PIK3C2B: variants seen among roughly 807,000 people sequenced by gnomAD.
PIK3C2B encodes the protein phosphatidylinositol 4-phosphate 3-kinase C2 domain-containing subunit beta.
A neutral mutation model predicts 184.3 loss-of-function variants in PIK3C2B; 83 were observed. The observed-to-expected ratio is 0.45, with a 90% CI of 0.38 to 0.54. The LOEUF (loss-of-function observed/expected upper bound fraction) is 0.54. PIK3C2B is among the 20% of genes least tolerant of loss of function. The pLI, the probability that PIK3C2B is intolerant of heterozygous loss-of-function variation, is 0.00. For synonymous variants in PIK3C2B, 779 were observed against 837.6 expected, an observed-to-expected ratio of 0.93 and a Z score of 1.21; for missense variants, 1,736 against 2,113.5, an observed-to-expected ratio of 0.82 and a Z score of 3.50.
In PIK3C2B at chr1:204,429,993, C is replaced by A; in HGVS notation, c.4326G>T (p.Val1442=). ...FVIGRSRGEA[V]AERRREELNG... ...TTAGCTCCTCCCTCCGCCGCTCGGC[C>A]ACCGCCTCTCCCCGGGAGCGGCCGA... The change falls in exon 29 of 33, where the codon GTG becomes GTT. Residue 1442 remains valine (V), a synonymous_variant. Coordinates refer to ENST00000684373, the MANE Select transcript of PIK3C2B (RefSeq NM_001377334.1). 1.2e-6 allele frequency: 2 copies of A among 1,611,796 alleles called. No homozygotes were observed. Among genetic ancestry groups the A allele is most frequent in the South Asian group, 2.2e-5 (2 of 91,076 alleles).
chr1:204,482,361 C>CT (rs1291257332), intron 1 of PIK3C2B, among the ~76,000 whole-genome samples: 23 of 152,216 alleles, frequency 1.5e-4, no homozygotes, highest in Admixed American at 8.5e-4. Flanking sequence ...TGGGAGCCTC[C>CT]ATTCTTCCTG....
At position 204,460,364 on chromosome 1, in the gene PIK3C2B, C is replaced by A; in HGVS notation, c.1462G>T (p.Val488Phe). 1 of 1,613,988 alleles carries A rather than the reference C, an allele frequency of 6.2e-7. No homozygotes were observed. Among genetic ancestry groups the A allele is most frequent in the East Asian group, 2.2e-5 (1 of 44,878 alleles). Residue 488 changes from valine to phenylalanine, a missense_variant, in exon 7 of 33, where the codon GTC (valine) becomes TTC (phenylalanine). Around this residue, in one of 8 missense-constraint regions of PIK3C2B, gnomAD observed 609 missense variants for 699.2 expected, o/e 0.87. Coordinates refer to ENST00000684373, the MANE Select transcript of PIK3C2B (RefSeq NM_001377334.1). ...TTGACAGGCCTCTCTTGGAGATGGACGAGGTAGTTCAAGGTGGAGGGGCTC... is the reference window on the plus strand; with the variant it reads ...TTGACAGGCCTCTCTTGGAGATGGAAGAGGTAGTTCAAGGTGGAGGGGCTC... ...DQSPSTLNYLVHLQERPVKQT... is the reference protein window; with the variant it reads ...DQSPSTLNYLFHLQERPVKQT...
rs1446065959 is a variant in PIK3C2B at position 204,439,088 on chromosome 1, G to C, written c.3380-17C>G. 1 of 1,611,968 alleles carries C rather than the reference G, an allele frequency of 6.2e-7. No individual in the cohort carries two copies. Among genetic ancestry groups the C allele is most frequent in the Non-Finnish European group, 8.5e-7 (1 of 1,179,090 alleles). ...CCACCATCCCTGTGAGGGGAGAAATGGGGGTCACGTTCCAGACCAGAATGA... is the reference window on the plus strand; with the variant it reads ...CCACCATCCCTGTGAGGGGAGAAATCGGGGTCACGTTCCAGACCAGAATGA... On this transcript the variant is annotated splice_polypyrimidine_tract_variant and intron_variant, in intron 22 of 32. Transcript: ENST00000684373.
chr1:204,483,548 T>C (rs1470760482), intron 1 of PIK3C2B, among the ~76,000 whole-genome samples: 1 of 152,216 alleles, frequency 6.6e-6, no homozygotes, highest in Non-Finnish European at 1.5e-5. Context: ...ACGCTTTTGC[T>C]TTGGATATTA....
chr1:204,451,737 C>T (rs1196864290), intron 12 of PIK3C2B, among the ~76,000 whole-genome samples: 2 of 152,226 alleles, frequency 1.3e-5, no homozygotes, highest in Non-Finnish European at 2.9e-5. Flanking sequence ...GCTGTGGTTA[C>T]TGCACTGGCA....
chr1:204,460,033 C>T, intron 7 of PIK3C2B, 92 bp from the exon 8 acceptor site: 1 of 982,470 alleles, frequency 1.0e-6, no homozygotes, highest in Non-Finnish European at 1.6e-6. Flanking sequence ...CTCCTCAGCT[C>T]ACACTCTGAT....
Position 204,466,657 on chromosome 1 carries a change from T to C in PIK3C2B, c.934-1338A>G, listed in dbSNP as rs938882656. 17 of 371,274 alleles carry C rather than the reference T, an allele frequency of 4.6e-5. No individual in the cohort carries two copies. The East Asian group carries it at 1.2e-3, about 27-fold the overall frequency. 23.0% of individuals were successfully genotyped at this position (371,274 alleles called of 1,614,324 possible). On this transcript the variant is annotated intron_variant, in intron 2 of 32. Transcript: ENST00000684373. ...GAAAAAGAGAAAGAGAGAGAGACAG[T>C]GGGGGGAGGGAAGAGAAGGCAAGAG...
chr1:204,466,687 A>T (rs1451200239), intron 2 of PIK3C2B: 1 of 407,810 alleles, frequency 2.5e-6, no homozygotes, highest in African/African-American at 2.1e-5. Flanking sequence ...CAAGAGAGGG[A>T]GAGAACAGAG....
At chr1:204,444,216 C>CCT in intron 17 of PIK3C2B, 54 bp from the exon 18 acceptor site, 4 of 1,437,072 alleles carry the variant, frequency 2.8e-6, no homozygotes, top group Non-Finnish European at 3.9e-6. Flanking sequence ...CTGCCTGTAA[C>CCT]CTACACTTAT....
intron 1 of PIK3C2B, among the ~76,000 whole-genome samples, chr1:204,475,869 C>T (rs1224380196): frequency 6.6e-6 from 1 of 152,114 alleles, no homozygotes; most frequent in Non-Finnish European, 1.5e-5. Flanking sequence ...CTGTCTCAGC[C>T]ACACAGGGAA....
intron 6 of PIK3C2B, 64 bp from the exon 7 acceptor site, chr1:204,460,467 C>A: frequency 6.5e-7 from 1 of 1,535,066 alleles, no homozygotes; most frequent in South Asian, 1.1e-5. Flanking sequence ...CACTCCTACC[C>A]CCCTCCCACC....
Position 204,464,127 on chromosome 1 carries a change from A to C in PIK3C2B, c.1195T>G (p.Ser399Ala). 6.2e-7 allele frequency: 1 copy of C among 1,614,022 alleles called. No homozygotes were observed. Among genetic ancestry groups the C allele is most frequent in the Non-Finnish European group, 8.5e-7 (1 of 1,179,924 alleles). The change falls in exon 5 of 33, where the codon TCC becomes GCC. Residue 399 changes from serine to alanine, a missense_variant. Transcript: ENST00000684373. ...TGGTAGATAAGCAAGTCTACAGTGGAGGAACCTGTGAAGGGTAAGGTAGGG... is the reference window on the plus strand; with the variant it reads ...TGGTAGATAAGCAAGTCTACAGTGGCGGAACCTGTGAAGGGTAAGGTAGGG... Reference protein sequence around the residue: ...EALTFTCNCSSTVDLLIYQTL... With the variant: ...EALTFTCNCSATVDLLIYQTL...
intron 1 of PIK3C2B, among the ~76,000 whole-genome samples, chr1:204,493,524 A>AACACAAACACACACACACAC: frequency 6.9e-6 from 1 of 143,996 alleles, no homozygotes; most frequent in South Asian, 2.3e-4. Flanking sequence ...AATGGCAGAA[A>AACACAAACACACACACACAC]ACACACACAC....
At chr1:204,490,750 C>T (rs533109622) in intron 1 of PIK3C2B, among the ~76,000 whole-genome samples, 3 of 151,746 alleles carry the variant, frequency 2.0e-5, no homozygotes, top group East Asian at 3.9e-4. Context: ...ATAGTGAAAT[C>T]CTGTCTCAAC....
Position 204,447,622 on chromosome 1 carries a change from G to T in PIK3C2B, c.2347-44C>A, listed in dbSNP as rs755261049. The stretch of plus-strand genomic sequence containing the variant: ...GATGTGAGGAGAGAAAACAGGCAGC[G>T]TGTGTGGACTCCCAGCTTCTTTCTC... On this transcript the variant is annotated intron_variant, in intron 14 of 32. Transcript: ENST00000684373. The surrounding 1 kb of genome is among the most constrained non-coding windows in gnomAD (Gnocchi z 4.1). The T allele has an allele frequency of 2.1e-6, 3 of 1,452,180 alleles. No homozygotes were observed. Among genetic ancestry groups the T allele is most frequent in the South Asian group, 1.1e-5 (1 of 87,070 alleles). The allele number at this position is 1,452,180 out of a possible 1,614,324, so 90.0% of individuals were successfully genotyped here. A position where few individuals can be genotyped will look rare whatever the true frequency, so the allele number is the denominator to read the frequency against.
chr1:204,431,028 G>A (rs550322873), intron 28 of PIK3C2B, among the ~76,000 whole-genome samples: 51 of 152,224 alleles, frequency 3.4e-4, no homozygotes, highest in Admixed American at 1.4e-3. Flanking sequence ...ATTTTTAAGT[G>A]TACAGTTCTG....
At chr1:204,494,169 C>T (rs1018162146) in intron 1 of PIK3C2B, among the ~76,000 whole-genome samples, 187 bp downstream of exon 1, 1 of 152,134 alleles carries the variant, frequency 6.6e-6, no homozygotes, top group Non-Finnish European at 1.5e-5. Flanking sequence ...CTCTGCCCGG[C>T]GGGCAGGAGC....
At chr1:204,477,210 A>G (rs1656777926) in intron 1 of PIK3C2B, among the ~76,000 whole-genome samples, 1 of 152,194 alleles carries the variant, frequency 6.6e-6, no homozygotes, top group South Asian at 2.1e-4. Flanking sequence ...CTTTAAAAAT[A>G]TACACATTCC....
intron 15 of PIK3C2B, among the ~76,000 whole-genome samples, chr1:204,446,515 A>AC (rs1343896433): frequency 6.6e-6 from 1 of 152,092 alleles, no homozygotes; most frequent in Non-Finnish European, 1.5e-5. Flanking sequence ...CGAATCTGCT[A>AC]CCCCTCCTGC....
Sources: allele counts gnomAD v4.1 joint callset (sites outside exome capture counted in the v4.1 genomes callset), GRCh38; gene constraint gnomAD v4.1.1; regional missense constraint gnomAD v4.1.1; non-coding constraint Gnocchi (gnomAD v3.1); transcripts MANE v1.5; gene names NCBI Gene and HGNC (gene_info 2026-07-23, HGNC 2026-07-21).